DCAF5: variants seen among roughly 807,000 people sequenced by gnomAD.
DCAF5 encodes DDB1- and CUL4-associated factor 5.
A neutral mutation model predicts 80.7 loss-of-function variants in DCAF5; 9 were observed. That is an observed-to-expected ratio of 0.11 (90% CI 0.07 to 0.19). The LOEUF (loss-of-function observed/expected upper bound fraction) is 0.19, where lower values mean the gene tolerates loss of function less well. DCAF5 is among the 10% of genes least tolerant of loss of function. The probability of loss-of-function intolerance (pLI) is 1.00; values close to 1 mark genes in which losing one functional copy is unlikely to be tolerated. For missense variants in DCAF5, 842 were observed against 1,205.7 expected (o/e 0.70, Z 4.47); for synonymous variants, 433 against 461.9 (o/e 0.94, Z 0.80).
chr14:69,123,289 C>T (rs544524856), intron 1 of DCAF5, among the ~76,000 whole-genome samples: 6 of 152,324 alleles, frequency 3.9e-5, no homozygotes, highest in African/African-American at 1.2e-4. Context: ...CAGCAGAAAC[C>T]TTGTCAGTTT....
chr14:69,098,615 G>A (rs1236747374), intron 5 of DCAF5, among the ~76,000 whole-genome samples: 2 of 151,712 alleles, frequency 1.3e-5, no homozygotes, highest in South Asian at 4.2e-4. Flanking sequence ...CAGGCACGGC[G>A]GCTCACGCCT....
At chr14:69,070,666 C>T (rs2139881635) in intron 7 of DCAF5, among the ~76,000 whole-genome samples, 1 of 152,304 alleles carries the variant, frequency 6.6e-6, no homozygotes, top group Non-Finnish European at 1.5e-5. Flanking sequence ...TTCAGAATTA[C>T]CACATAAAAA....
intron 4 of DCAF5, among the ~76,000 whole-genome samples, chr14:69,117,748 A>T (rs2040586253): frequency 6.6e-6 from 1 of 152,172 alleles, no homozygotes; most frequent in South Asian, 2.1e-4. Context: ...TACACAGGTA[A>T]TTTGAGATTC....
rs1406867631 is a variant in DCAF5 at position 69,118,435 on chromosome 14, G to A, written c.396-157C>T. Among the ~76,000 whole-genome samples, 1 of 152,064 alleles carries A rather than the reference G, an allele frequency of 6.6e-6. No individual in the cohort carries two copies. ...TATTATATTTCCTGAAAGGTAGGTA[G>A]TCAACTTTCAGGTTAAAAAAAAGGT... On this transcript the variant is annotated intron_variant, in intron 3 of 8. Coordinates refer to ENST00000341516, the MANE Select transcript of DCAF5 (RefSeq NM_003861.3). The surrounding 1 kb of genome is among the most constrained non-coding windows in gnomAD (Gnocchi z 4.0).
At position 69,120,215 on chromosome 14, in the gene DCAF5, C is replaced by T. The variant is rs1007075986; in HGVS notation, c.359-985G>A. On this transcript the variant is annotated intron_variant, in intron 2 of 8. Transcript: ENST00000341516. The stretch of plus-strand genomic sequence containing the variant: ...CTTCCCACCTCTGCCTCTCTAGTAG[C>T]TGGAACTACAGGCATGTGTCACTAT... Among the ~76,000 whole-genome samples, 3 of 152,172 alleles carry T rather than the reference C, an allele frequency of 2.0e-5. No individual in the cohort carries two copies. In the South Asian group the frequency reaches 6.2e-4, roughly 32 times the overall value.
At chr14:69,106,652 G>A (rs1272467534) in intron 5 of DCAF5, among the ~76,000 whole-genome samples, 3 of 152,104 alleles carry the variant, frequency 2.0e-5, no homozygotes, top group Non-Finnish European at 2.9e-5. Context: ...GATTACAGGC[G>A]TGAGCCACTG....
chr14:69,105,980 AATAATT>A (rs1255664559), intron 5 of DCAF5, among the ~76,000 whole-genome samples: 1 of 123,366 alleles, frequency 8.1e-6, no homozygotes, highest in African/African-American at 2.7e-5. Context: ...GAGAACCCTG[AATAATT>A]ATACATAGTG....
rs2037797482 is a variant in DCAF5, at chr14:69,052,603, T to C, written c.*1254A>G. 6.6e-6 allele frequency: 1 copy of C among 152,524 alleles called. No homozygotes were observed. The highest frequency in any genetic ancestry group is 1.5e-5 in the Non-Finnish European group (1 of 68,030). The allele number at this position is 152,524 out of a possible 1,614,324, so 9.4% of individuals were successfully genotyped here. On this transcript the variant is annotated 3_prime_UTR_variant, in exon 9 of 9. Transcript: ENST00000341516. ...GTTGCTCTTTTCTCTTCTAAACCTG[T>C]ATCTACCTCAATAAAACTGAGTCTT...
chr14:69,071,887 T>C (rs1276423305), intron 7 of DCAF5, among the ~76,000 whole-genome samples: 2 of 152,186 alleles, frequency 1.3e-5, no homozygotes, highest in Non-Finnish European at 2.9e-5. Flanking sequence ...AGGTACCAAA[T>C]AGTCCTGAAG....
At chr14:69,109,629 C>T (rs2040285060) in intron 5 of DCAF5, among the ~76,000 whole-genome samples, 1 of 152,122 alleles carries the variant, frequency 6.6e-6, no homozygotes, top group Non-Finnish European at 1.5e-5. Context: ...TCATCCATGT[C>T]AATGTGTATA....
chr14:69,092,518 T>C (rs2039568207), intron 5 of DCAF5, among the ~76,000 whole-genome samples: 1 of 152,056 alleles, frequency 6.6e-6, no homozygotes, highest in Admixed American at 6.5e-5. Flanking sequence ...CTCAGGAGGC[T>C]GAGGAGGGAG....
At chr14:69,148,162 G>A (rs908165130) in intron 1 of DCAF5, among the ~76,000 whole-genome samples, 2 of 148,848 alleles carry the variant, frequency 1.3e-5, no homozygotes, top group African/African-American at 4.9e-5. Flanking sequence ...TAAGAAAAAG[G>A]AAAAGCATAA....
At chr14:69,116,316 A>C (rs1279996004) in intron 5 of DCAF5, 50 bp downstream of exon 5, 1 of 1,583,334 alleles carries the variant, frequency 6.3e-7, no homozygotes, top group Admixed American at 1.7e-5. Context: ...ACATTACCTG[A>C]GAAATGAGGC....
chr14:69,093,320 G>C (rs1174384799), intron 5 of DCAF5, among the ~76,000 whole-genome samples: 7 of 152,194 alleles, frequency 4.6e-5, no homozygotes, highest in Non-Finnish European at 1.0e-4. Flanking sequence ...GTCATGGATA[G>C]GTAGTGATCC....
At chr14:69,105,939 A>ATG (rs1555374885) in intron 5 of DCAF5, among the ~76,000 whole-genome samples, 1 of 99,336 alleles carries the variant, frequency 1.0e-5, no homozygotes, top group Non-Finnish European at 2.3e-5. Context: ...ATATATATAT[A>ATG]TATATATCTC....
intron 1 of DCAF5, among the ~76,000 whole-genome samples, chr14:69,150,261 G>A (rs2041660412): frequency 6.6e-6 from 1 of 152,124 alleles, no homozygotes; most frequent in Non-Finnish European, 1.5e-5. Context: ...AGGAAAAGGA[G>A]CAAGGGGCAA....
intron 6 of DCAF5, chr14:69,089,531 T>C (rs188263852): frequency 6.6e-6 from 1 of 152,246 alleles, no homozygotes; most frequent in Admixed American, 6.5e-5. Flanking sequence ...AAATAATAAA[T>C]TAGTCAAATC....
At chr14:69,083,707 T>A in intron 6 of DCAF5, 1 of 636,052 alleles carries the variant, frequency 1.6e-6, no homozygotes, top group Non-Finnish European at 2.9e-6. Context: ...GTCTCCTAAT[T>A]CAGAATCAAA....
intron 7 of DCAF5, among the ~76,000 whole-genome samples, chr14:69,070,784 A>C (rs200677268): frequency 7.6e-5 from 11 of 144,952 alleles, no homozygotes; most frequent in Non-Finnish European, 1.1e-4. Flanking sequence ...TCTAATTTTT[A>C]TTTTTCTTTT....
Sources: allele counts gnomAD v4.1 joint callset (sites outside exome capture counted in the v4.1 genomes callset), GRCh38; gene constraint gnomAD v4.1.1; non-coding constraint Gnocchi (gnomAD v3.1); transcripts MANE v1.5; gene names NCBI Gene and HGNC (gene_info 2026-07-23, HGNC 2026-07-21).